The following KCNIP4 variants were observed in gnomAD, a reference collection of about 807,000 sequenced individuals.
The protein encoded by KCNIP4 is potassium voltage-gated channel interacting protein 4.
Under a neutral mutation model 34.0 loss-of-function variants are expected in KCNIP4, and 12 were observed. The ratio of observed to expected loss-of-function variants is 0.35; its 90% CI spans 0.23 to 0.57. The LOEUF (loss-of-function observed/expected upper bound fraction) is 0.57, where lower values mean the gene tolerates loss of function less well. Ranked by LOEUF, KCNIP4 falls within the 20% of genes least tolerant of loss-of-function variation. The pLI is 0.83. For synonymous variants in KCNIP4, 124 were observed against 102.2 expected (o/e 1.21, Z -1.29); for missense variants, 238 against 311.7 (o/e 0.76, Z 1.78).
At chr4:21,901,836 T>C (rs1727720645) in intron 1 of KCNIP4, among the ~76,000 whole-genome samples, 1 of 152,034 alleles carries the variant, frequency 6.6e-6, no homozygotes, top group African/African-American at 2.4e-5. Flanking sequence ...TGAATGTAGG[T>C]TGAAAAATCT....
intron 3 of KCNIP4, among the ~76,000 whole-genome samples, chr4:20,815,514 C>T (rs1716266283): frequency 6.6e-6 from 1 of 152,108 alleles, no homozygotes; most frequent in Non-Finnish European, 1.5e-5. Context: ...GTTAAGAATC[C>T]TTGATTCCAC....
chr4:21,004,510 C>T (rs944990955), intron 1 of KCNIP4, among the ~76,000 whole-genome samples: 2 of 152,102 alleles, frequency 1.3e-5, no homozygotes, highest in Non-Finnish European at 2.9e-5. Context: ...TGGTCCATAC[C>T]ATTGCAATGT....
intron 1 of KCNIP4, among the ~76,000 whole-genome samples, chr4:21,142,960 A>G (rs1237431412): frequency 6.6e-6 from 1 of 151,876 alleles, no homozygotes; most frequent in Non-Finnish European, 1.5e-5. Context: ...GGATCCTGCA[A>G]ACTAAGACAT....
At chr4:20,756,713 A>G (rs547825796) in intron 4 of KCNIP4, among the ~76,000 whole-genome samples, 2 of 152,070 alleles carry the variant, frequency 1.3e-5, no homozygotes, top group East Asian at 3.9e-4. Context: ...AATGACTCCC[A>G]TGTTGCCACA....
At chr4:21,340,873 T>C (rs1716693835) in intron 1 of KCNIP4, among the ~76,000 whole-genome samples, 1 of 152,126 alleles carries the variant, frequency 6.6e-6, no homozygotes, top group Non-Finnish European at 1.5e-5. Flanking sequence ...CTATATTCTA[T>C]GTGCATAGGG....
intron 1 of KCNIP4, among the ~76,000 whole-genome samples, chr4:21,131,374 G>A (rs1364285763): frequency 6.6e-6 from 1 of 152,096 alleles, no homozygotes. Context: ...TAGAAGTCAG[G>A]GCAGTCGGGT....
intron 1 of KCNIP4, among the ~76,000 whole-genome samples, chr4:21,402,153 G>C (rs1723610149): frequency 6.6e-6 from 1 of 152,136 alleles, no homozygotes. Context: ...AATGCAGAAT[G>C]AGAAAAAATT....
rs889969228 is a variant in KCNIP4 at position 21,521,394 on chromosome 4, G to C, written c.61+427177C>G. On this transcript the variant is annotated intron_variant, in intron 1 of 8. Transcript: ENST00000382152. ...ATTCATGACATAAACTTCATGAACG[G>C]ACTTAACACACAGCATGTTCTATCA... Among the ~76,000 whole-genome samples the C allele has an allele frequency of 3.3e-5, 5 of 152,156 alleles. No individual in the cohort carries two copies. The South Asian group carries it at 8.3e-4, about 25-fold the overall frequency.
At chr4:21,196,174 C>A (rs1425071651) in intron 1 of KCNIP4, among the ~76,000 whole-genome samples, 1 of 152,152 alleles carries the variant, frequency 6.6e-6, no homozygotes, top group African/African-American at 2.4e-5. Flanking sequence ...GCTATTTTAG[C>A]ATTCTAGCTT....
chr4:21,321,165 A>G (rs1204988982), intron 1 of KCNIP4, among the ~76,000 whole-genome samples: 1 of 152,162 alleles, frequency 6.6e-6, no homozygotes, highest in East Asian at 1.9e-4. Flanking sequence ...AAAGAGCCAT[A>G]CTATGGTTAT....
At chr4:21,826,470 C>CT (rs1722681667) in intron 1 of KCNIP4, among the ~76,000 whole-genome samples, 1 of 151,980 alleles carries the variant, frequency 6.6e-6, no homozygotes, top group Non-Finnish European at 1.5e-5. Context: ...TTGTGTATCA[C>CT]TAAAACAGTA....
chr4:20,805,274 G>T (rs1397437740), intron 3 of KCNIP4, among the ~76,000 whole-genome samples: 1 of 133,482 alleles, frequency 7.5e-6, no homozygotes, highest in African/African-American at 2.8e-5. Context: ...GGAGTAAAGA[G>T]ATCTTCCCAC....
At chr4:20,737,632 A>G (rs1749961658) in intron 5 of KCNIP4, among the ~76,000 whole-genome samples, 1 of 152,140 alleles carries the variant, frequency 6.6e-6, no homozygotes, top group South Asian at 2.1e-4. Flanking sequence ...TTTGAGAGTG[A>G]GGAGCCTGGT....
chr4:21,764,648 A>C (rs1718285721), intron 1 of KCNIP4, among the ~76,000 whole-genome samples: 1 of 151,988 alleles, frequency 6.6e-6, no homozygotes, highest in Admixed American at 6.6e-5. Context: ...TTAATACTGG[A>C]CTTTTGCTCC....
At chr4:21,776,726 A>G (rs1719204061) in intron 1 of KCNIP4, among the ~76,000 whole-genome samples, 1 of 152,032 alleles carries the variant, frequency 6.6e-6, no homozygotes, top group Non-Finnish European at 1.5e-5. Context: ...AGCTTCCTTC[A>G]TGCTGTTTTT....
At chr4:21,339,382 A>T (rs905792433) in intron 1 of KCNIP4, among the ~76,000 whole-genome samples, 3 of 152,246 alleles carry the variant, frequency 2.0e-5, no homozygotes, top group African/African-American at 7.2e-5. Context: ...TAGACGTAGG[A>T]TATGGAAAGG....
chr4:20,902,900 G>T lies in KCNIP4; in HGVS notation c.62-20191C>A, dbSNP rs190888410. ...CTGGTATGTGTAGTGGCAACGTGAA[G>T]ATCCGACTTTTGTTCTGAGTGAAAC... On this transcript the variant is annotated intron_variant, in intron 1 of 8. Transcript: ENST00000382152. Among the ~76,000 whole-genome samples the T allele has an allele frequency of 1.9e-3, 283 of 152,324 alleles. 1 individual carries two copies. Among genetic ancestry groups the T allele is most frequent in the African/African-American group, 6.5e-3 (269 of 41,570 alleles).
At chr4:20,790,107 A>G (rs1712532205) in intron 3 of KCNIP4, among the ~76,000 whole-genome samples, 1 of 152,202 alleles carries the variant, frequency 6.6e-6, no homozygotes, top group Non-Finnish European at 1.5e-5. Flanking sequence ...TTTTGCTTCT[A>G]GACTGCAAAC....
At chr4:20,802,230 G>T (rs1714388221) in intron 3 of KCNIP4, among the ~76,000 whole-genome samples, 1 of 137,130 alleles carries the variant, frequency 7.3e-6, no homozygotes, top group African/African-American at 2.8e-5. Context: ...CTATACATAT[G>T]CTACATATAT....
Sources: allele counts gnomAD v4.1 joint callset (sites outside exome capture counted in the v4.1 genomes callset), GRCh38; gene constraint gnomAD v4.1.1; transcripts MANE v1.5; gene names NCBI Gene and HGNC (gene_info 2026-07-23, HGNC 2026-07-21).